SLC2A13: variants seen among roughly 807,000 people sequenced by gnomAD.
SLC2A13 encodes solute carrier family 2 member 13, also known as proton myo-inositol cotransporter.
In SLC2A13, 32 loss-of-function variants were observed where a neutral mutation model predicts 64.4. The observed-to-expected ratio is 0.50, with a 90% confidence interval of 0.37 to 0.67. The LOEUF (loss-of-function observed/expected upper bound fraction) is 0.67, where lower values mean the gene tolerates loss of function less well. SLC2A13 is among the 30% of genes least tolerant of loss of function. The probability of loss-of-function intolerance (pLI) is 0.00; values close to 1 mark genes in which losing one functional copy is unlikely to be tolerated. For synonymous variants in SLC2A13, 338 were observed against 327.1 expected, an observed-to-expected ratio of 1.03 and a Z score of -0.36; for missense variants, 743 against 829.2, an observed-to-expected ratio of 0.90 and a Z score of 1.28.
chr12:39,863,247 A>T (rs1228744806), intron 6 of SLC2A13, among the ~76,000 whole-genome samples: 5 of 152,164 alleles, frequency 3.3e-5, no homozygotes, highest in African/African-American at 1.2e-4. Context: ...CAGACTGATG[A>T]TCATAAACTG....
chr12:39,981,043 T>C (rs1946883510), intron 3 of SLC2A13, among the ~76,000 whole-genome samples: 3 of 151,826 alleles, frequency 2.0e-5, no homozygotes, highest in Admixed American at 2.0e-4. Flanking sequence ...CTCAACTACA[T>C]GGAAACTGAA....
At chr12:39,781,618 C>G (rs1451192423) in intron 7 of SLC2A13, among the ~76,000 whole-genome samples, 1 of 152,194 alleles carries the variant, frequency 6.6e-6, no homozygotes, top group Non-Finnish European at 1.5e-5. Context: ...ATAAGTCATT[C>G]AATTTATCCC....
At chr12:40,004,867 G>C (rs1330419447) in intron 3 of SLC2A13, among the ~76,000 whole-genome samples, 1 of 152,112 alleles carries the variant, frequency 6.6e-6, no homozygotes, top group Non-Finnish European at 1.5e-5. Flanking sequence ...AAAATCATAA[G>C]AGAGAAAAAT....
intron 6 of SLC2A13, among the ~76,000 whole-genome samples, chr12:39,838,994 T>G (rs1463564672): frequency 6.6e-6 from 1 of 152,060 alleles, no homozygotes; most frequent in African/African-American, 2.4e-5. Context: ...TGGCCACAGG[T>G]CCAATTTCAT....
intron 4 of SLC2A13, among the ~76,000 whole-genome samples, chr12:39,936,611 G>A (rs929290367): frequency 1.3e-5 from 2 of 152,154 alleles, no homozygotes; most frequent in Non-Finnish European, 2.9e-5. Context: ...ACTAAAGCAA[G>A]GCCTGACAGA....
intron 3 of SLC2A13, among the ~76,000 whole-genome samples, chr12:39,994,164 C>A (rs986577867): frequency 6.6e-6 from 1 of 151,824 alleles, no homozygotes; most frequent in Non-Finnish European, 1.5e-5. Flanking sequence ...CTGAGGTGGA[C>A]GGATCACGAG....
chr12:39,902,952 C>T (rs988550852), intron 4 of SLC2A13, among the ~76,000 whole-genome samples: 17 of 152,028 alleles, frequency 1.1e-4, no homozygotes. Flanking sequence ...CTGTTGACTA[C>T]GTTCCAGGAA....
At chr12:39,941,455 C>G (rs1335261210) in intron 4 of SLC2A13, among the ~76,000 whole-genome samples, 2 of 152,088 alleles carry the variant, frequency 1.3e-5, no homozygotes, top group Non-Finnish European at 2.9e-5. Context: ...ATTTTTTGAT[C>G]ATGGCCATTC....
intron 3 of SLC2A13, among the ~76,000 whole-genome samples, chr12:39,988,540 A>T (rs1947069459): frequency 6.6e-6 from 1 of 151,086 alleles, no homozygotes; most frequent in Non-Finnish European, 1.5e-5. Context: ...GAAGAAAGAA[A>T]AAAGAAAACA....
At chr12:40,074,234 C>G (rs1248852926) in intron 1 of SLC2A13, among the ~76,000 whole-genome samples, 1 of 149,986 alleles carries the variant, frequency 6.7e-6, no homozygotes. Context: ...GGTGTGATCA[C>G]AGCTCACAGC....
At chr12:40,104,092 T>C (rs1397068217) in intron 1 of SLC2A13, among the ~76,000 whole-genome samples, 1 of 151,852 alleles carries the variant, frequency 6.6e-6, no homozygotes, top group Non-Finnish European at 1.5e-5. Context: ...AGCACAAACA[T>C]CAAACAAGTG....
chr12:39,981,584 G>T (rs970223630), intron 3 of SLC2A13, among the ~76,000 whole-genome samples: 4 of 150,730 alleles, frequency 2.7e-5, no homozygotes, highest in African/African-American at 9.8e-5. Context: ...AGAAGAAATG[G>T]ATACATTCCT....
chr12:39,776,421 C>T (rs1179403145), intron 7 of SLC2A13, among the ~76,000 whole-genome samples: 2 of 152,308 alleles, frequency 1.3e-5, no homozygotes, highest in Non-Finnish European at 2.9e-5. Context: ...CAACAGCCTG[C>T]CCAGTGCCCT....
intron 3 of SLC2A13, among the ~76,000 whole-genome samples, chr12:40,011,603 T>C (rs1164953706): frequency 1.3e-5 from 2 of 152,162 alleles, no homozygotes; most frequent in Non-Finnish European, 2.9e-5. Flanking sequence ...ACCCAAATAG[T>C]GAGCACAGGA....
rs63699664 is a variant in SLC2A13, at chr12:39,826,854, A to ATTTTTT, written c.1445+3243_1445+3248dup. On this transcript the variant is annotated intron_variant, in intron 7 of 9. Transcript: ENST00000280871. Reference sequence around the variant, plus strand: ...TTTATTTCTTTTAAAGTCTCTTTCAATTTTTTTTTTTTTTTTTTGCAATGC... The same window carrying ATTTTTT: ...TTTATTTCTTTTAAAGTCTCTTTCAATTTTTTTTTTTTTTTTTTTTTTTTGCAATGC... Among the ~76,000 whole-genome samples, 14 of 67,390 alleles carry ATTTTTT rather than the reference A, an allele frequency of 2.1e-4. 3 individuals carry two copies. Among genetic ancestry groups the ATTTTTT allele is most frequent in the South Asian group, 5.2e-4 (1 of 1,936 alleles). 44.2% of individuals were successfully genotyped at this position (67,390 alleles called of 152,430 possible).
In SLC2A13 at chr12:39,977,331, A is replaced by T. The variant is rs932526116; in HGVS notation, c.926-25966T>A. Among the ~76,000 whole-genome samples, 3 of 152,218 alleles carry T rather than the reference A, an allele frequency of 2.0e-5. No individual in the cohort carries two copies. The East Asian group carries it at 5.8e-4, about 29-fold the overall frequency. ...ACCCCTCAAAGTTTCTAATGTTCCCACATATCAAACTGTGTCTCTGATCTC... is the reference window on the plus strand; with the variant it reads ...ACCCCTCAAAGTTTCTAATGTTCCCTCATATCAAACTGTGTCTCTGATCTC... On this transcript the variant is annotated intron_variant, in intron 3 of 9. Transcript: ENST00000280871.
At chr12:39,862,189 TA>T (rs1252685161) in intron 6 of SLC2A13, among the ~76,000 whole-genome samples, 27 of 152,330 alleles carry the variant, frequency 1.8e-4, no homozygotes, top group African/African-American at 5.3e-4. Context: ...TAAAATATTC[TA>T]AAAAGGAGAT....
chr12:39,821,120 T>A (rs1359551176), intron 7 of SLC2A13, among the ~76,000 whole-genome samples: 1 of 152,114 alleles, frequency 6.6e-6, no homozygotes, highest in African/African-American at 2.4e-5. Context: ...GTTCCTTTTA[T>A]AACTCAAAAA....
At chr12:39,795,589 T>C (rs938378917) in intron 7 of SLC2A13, among the ~76,000 whole-genome samples, 2 of 152,184 alleles carry the variant, frequency 1.3e-5, no homozygotes, top group Non-Finnish European at 2.9e-5. Context: ...TTTGGACTTT[T>C]ATCTATGGAA....
Sources: allele counts gnomAD v4.1 joint callset (sites outside exome capture counted in the v4.1 genomes callset), GRCh38; gene constraint gnomAD v4.1.1; transcripts MANE v1.5; gene names NCBI Gene and HGNC (gene_info 2026-07-23, HGNC 2026-07-21).